The following CSDE1 variants were observed in gnomAD, a reference collection of about 807,000 sequenced individuals.
CSDE1 encodes cold shock domain-containing protein E1.
In CSDE1, 17 loss-of-function variants were observed where a neutral mutation model predicts 89.3. The ratio of observed to expected loss-of-function variants is 0.19; its 90% CI spans 0.13 to 0.29. CSDE1 has a LOEUF of 0.29. CSDE1 is among the 10% of genes least tolerant of loss of function. The probability of loss-of-function intolerance (pLI) is 1.00; values close to 1 mark genes in which losing one functional copy is unlikely to be tolerated. For missense variants in CSDE1, 672 were observed against 984.2 expected, an observed-to-expected ratio of 0.68 and a Z score of 4.24; for synonymous variants, 322 against 332.8, an observed-to-expected ratio of 0.97 and a Z score of 0.35.
intron 2 of CSDE1, chr1:114,748,468 A>C (rs1014742393): frequency 6.6e-6 from 1 of 152,230 alleles, no homozygotes; most frequent in African/African-American, 2.4e-5. Flanking sequence ...CCTCAAAGTT[A>C]ACCACTGTTC....
chr1:114,732,487 G>T, intron 10 of CSDE1, 117 bp downstream of exon 10: 1 of 848,458 alleles, frequency 1.2e-6, no homozygotes. Context: ...ACCTTAACAA[G>T]GTAAATGCCC....
At chr1:114,730,176 A>G (rs927230366) in intron 12 of CSDE1, 82 bp downstream of exon 12, 7 of 1,441,086 alleles carry the variant, frequency 4.9e-6, no homozygotes, top group East Asian at 2.3e-5. Flanking sequence ...TCCGCTGATT[A>G]TATGTACTCT....
chr1:114,741,945 C>A (rs1411429369), intron 2 of CSDE1, among the ~76,000 whole-genome samples: 1 of 152,120 alleles, frequency 6.6e-6, no homozygotes, highest in Admixed American at 6.5e-5. Flanking sequence ...CTTTTCAATG[C>A]CGATCAACTT....
At chr1:114,730,834 A>G (rs1172830941) in intron 10 of CSDE1, among the ~76,000 whole-genome samples, 186 bp from the exon 11 acceptor site, 2 of 152,256 alleles carry the variant, frequency 1.3e-5, no homozygotes, top group South Asian at 2.1e-4. Flanking sequence ...ACTTAACCTG[A>G]GCAATTTTCT....
intron 12 of CSDE1, 121 bp downstream of exon 12, chr1:114,730,137 T>C (rs950851882): frequency 3.5e-6 from 4 of 1,136,076 alleles, no homozygotes; most frequent in Non-Finnish European, 5.0e-6. Context: ...TCACTGTTAA[T>C]ATGACAGAAA....
chr1:114,721,025 T>C (rs778113496), intron 16 of CSDE1, among the ~76,000 whole-genome samples: 2 of 152,222 alleles, frequency 1.3e-5, no homozygotes, highest in South Asian at 2.1e-4. Context: ...TTTTAAGCAC[T>C]ATGGGTTGCC....
chr1:114,737,584 A>C, intron 4 of CSDE1, 21 bp from the exon 5 acceptor site: 1 of 1,583,298 alleles, frequency 6.3e-7, no homozygotes, highest in Non-Finnish European at 8.7e-7. Context: ...AAAAAAAAAA[A>C]ATTTCCATTG....
At chr1:114,731,024 C>T (rs1226777060) in intron 10 of CSDE1, among the ~76,000 whole-genome samples, 1 of 152,156 alleles carries the variant, frequency 6.6e-6, no homozygotes, top group East Asian at 1.9e-4. Flanking sequence ...CTTCTCCAGT[C>T]TCTACCTCAA....
At chr1:114,722,516 AC>A (rs1659583823) in intron 16 of CSDE1, among the ~76,000 whole-genome samples, 1 of 152,232 alleles carries the variant, frequency 6.6e-6, no homozygotes, top group Admixed American at 6.5e-5. Context: ...GCTAGTTCTT[AC>A]CAAGTGGGAA....
chr1:114,743,383 G>A (rs1055037299), intron 2 of CSDE1, among the ~76,000 whole-genome samples: 1 of 152,032 alleles, frequency 6.6e-6, no homozygotes, highest in Non-Finnish European at 1.5e-5. Flanking sequence ...GTAGAGACGG[G>A]GTTTCACCAT....
rs1660035835 is a variant in CSDE1 at position 114,730,378 on chromosome 1, T to G, written c.1236A>C (p.Lys412Asn). The change falls in exon 12 of 20, where the codon AAA becomes AAC. Residue 412 changes from lysine (K) to asparagine (N), a missense_variant. This residue lies in a region of CSDE1 where 169 missense variants were observed against 262.9 expected (regional missense o/e 0.64). Transcript: ENST00000358528. ...GAAATGAAACCGTGCCCTTGGGAAGTTTTTTAATCCTAATAGCATGATTTC... is the reference window on the plus strand; with the variant it reads ...GAAATGAAACCGTGCCCTTGGGAAGGTTTTTAATCCTAATAGCATGATTTC... ...AQRNHAIRIK[K>N]LPKGTVSFHS... 6.2e-7 allele frequency: 1 copy of G among 1,614,086 alleles called. No homozygotes were observed. The highest frequency in any genetic ancestry group is 8.5e-7 in the Non-Finnish European group (1 of 1,179,968).
rs1302254080 is a variant in CSDE1 at position 114,757,954 on chromosome 1, C to G, written c.-417G>C. The G allele has an allele frequency of 6.5e-6, 1 of 152,876 alleles. No homozygotes were observed. The highest frequency in any genetic ancestry group is 1.5e-5 in the Non-Finnish European group (1 of 68,210). The allele number at this position is 152,876 out of a possible 1,614,324, so 9.5% of individuals were successfully genotyped here. ...ACAGCTCAGCGCCCCCTCTCCAGCG[C>G]CGCCATAAGCAGCACGGCCCGGTAC... On this transcript the variant is annotated 5_prime_UTR_variant, in exon 1 of 20. Coordinates refer to ENST00000358528, the MANE Select transcript of CSDE1 (RefSeq NM_001007553.3).
At chr1:114,733,532 G>GA (rs371869505) in intron 9 of CSDE1, among the ~76,000 whole-genome samples, 200 bp downstream of exon 9, 7,786 of 95,904 alleles carry the variant, frequency 0.081, 233 homozygotes, top group African/African-American at 0.14. Flanking sequence ...CACAAAAAAA[G>GA]AAAAAAAAAA....
chr1:114,726,921 G>A (rs1659830148), intron 13 of CSDE1, 62 bp downstream of exon 13: 4 of 1,116,638 alleles, frequency 3.6e-6, no homozygotes, highest in African/African-American at 3.1e-5. Context: ...AACCCATCCT[G>A]CAGGATTTAT....
chr1:114,726,187 A>G, intron 14 of CSDE1, 24 bp downstream of exon 14: 2 of 1,571,970 alleles, frequency 1.3e-6, no homozygotes, highest in Middle Eastern at 1.7e-4. Context: ...GTTAGCTGTA[A>G]AGTTCCTGAA....
At chr1:114,727,132 GAAC>G (rs1557993200) in intron 12 of CSDE1, 42 bp from the exon 13 acceptor site, 1 of 1,398,278 alleles carries the variant, frequency 7.2e-7, no homozygotes, top group Non-Finnish European at 1.0e-6. Context: ...ACAATCTCAA[GAAC>G]AAAAACCAAT....
In CSDE1 at chr1:114,720,948, A is replaced by T. The variant is rs560021596; in HGVS notation, c.1874-231T>A. Reference sequence around the variant, plus strand: ...CCCATCAGTACTTTATTAGCTGATGAACAATTTTAAACTGCATTTATAAAT... The same window carrying T: ...CCCATCAGTACTTTATTAGCTGATGTACAATTTTAAACTGCATTTATAAAT... On this transcript the variant is annotated intron_variant, in intron 16 of 19. Transcript: ENST00000358528. Among the ~76,000 whole-genome samples the T allele has an allele frequency of 5.2e-4, 80 of 152,384 alleles. 1 individual carries two copies. The highest frequency in any genetic ancestry group is 7.9e-4 in the Non-Finnish European group (54 of 68,034).
chr1:114,732,123 T>TA (rs1414059269), intron 10 of CSDE1, among the ~76,000 whole-genome samples: 3 of 151,950 alleles, frequency 2.0e-5, no homozygotes, highest in Non-Finnish European at 4.4e-5. Context: ...ATTTTTTTTT[T>TA]AAAAAAGCTC....
At chr1:114,741,942 A>G (rs1298473963) in intron 2 of CSDE1, among the ~76,000 whole-genome samples, 1 of 152,208 alleles carries the variant, frequency 6.6e-6, no homozygotes, top group Non-Finnish European at 1.5e-5. Context: ...TTTCTTTTCA[A>G]TGCCGATCAA....
Sources: allele counts gnomAD v4.1 joint callset (sites outside exome capture counted in the v4.1 genomes callset), GRCh38; gene constraint gnomAD v4.1.1; regional missense constraint gnomAD v4.1.1; transcripts MANE v1.5; gene names NCBI Gene and HGNC (gene_info 2026-07-23, HGNC 2026-07-21).